AGTR1: variants seen among roughly 807,000 people sequenced by gnomAD.
AGTR1 encodes type-1 angiotensin II receptor.
A neutral mutation model predicts 19.4 loss-of-function variants in AGTR1; 16 were observed. The observed-to-expected ratio is 0.82, with a 90% CI of 0.56 to 1.25. The LOEUF is 1.25. Among genes scored for constraint, AGTR1 ranks in the 50% most tolerant of loss-of-function variants. The pLI is 0.00. For synonymous variants in AGTR1, 153 were observed against 154.9 expected (o/e 0.99, Z 0.09); for missense variants, 373 against 431.9 (o/e 0.86, Z 1.21).
intron 2 of AGTR1, among the ~76,000 whole-genome samples, chr3:148,720,604 A>G (rs1713574771): frequency 6.6e-6 from 1 of 152,222 alleles, no homozygotes. Context: ...GAAATAATTA[A>G]CTATGTACAG....
intron 2 of AGTR1, among the ~76,000 whole-genome samples, chr3:148,739,046 A>G (rs952690809): frequency 2.0e-5 from 3 of 152,214 alleles, no homozygotes; most frequent in African/African-American, 7.2e-5. Context: ...GAAGACAGAT[A>G]TGTCAACAGA....
chr3:148,714,016 T>C (rs1399260967), intron 2 of AGTR1, among the ~76,000 whole-genome samples: 1 of 152,156 alleles, frequency 6.6e-6, no homozygotes, highest in Non-Finnish European at 1.5e-5. Flanking sequence ...CCTTTGCCTC[T>C]AGAATAAGAA....
At chr3:148,738,219 T>G (rs1714677933) in intron 2 of AGTR1, among the ~76,000 whole-genome samples, 1 of 152,174 alleles carries the variant, frequency 6.6e-6, no homozygotes, top group African/African-American at 2.4e-5. Context: ...CAAGGGATTC[T>G]AGAGCGTAAA....
chr3:148,742,659 C>T lies in AGTR1; in HGVS notation c.*544C>T, dbSNP rs1045486310. ...AAGTTGCAGATCTTTTTGTGAAATT[C>T]AACCTGTGTCTTATAGGTTTCCACT... is the stretch of plus-strand genomic sequence containing the variant. On this transcript the variant is annotated 3_prime_UTR_variant, in exon 3 of 3. Transcript: ENST00000349243. 5 of 216,570 alleles carry T rather than the reference C, an allele frequency of 2.3e-5. No individual in the cohort carries two copies. Among genetic ancestry groups the T allele is most frequent in the Non-Finnish European group, 5.1e-5 (5 of 98,280 alleles). 13.4% of individuals were successfully genotyped at this position (216,570 alleles called of 1,614,324 possible). A position where few individuals can be genotyped will look rare whatever the true frequency, so the allele number is the denominator to read the frequency against.
chr3:148,700,958 C>A (rs1712305574), intron 1 of AGTR1, among the ~76,000 whole-genome samples: 1 of 152,186 alleles, frequency 6.6e-6, no homozygotes, highest in African/African-American at 2.4e-5. Flanking sequence ...TGATAAGCAA[C>A]AGTAAATTTG....
rs1024353280 is a variant in AGTR1, at chr3:148,742,770, T to G, written c.*655T>G. The G allele has an allele frequency of 1.2e-5, 2 of 171,518 alleles. No individual in the cohort carries two copies. Among genetic ancestry groups the G allele is most frequent in the Non-Finnish European group, 2.8e-5 (2 of 70,986 alleles). The allele number at this position is 171,518 out of a possible 1,614,324, so 10.6% of individuals were successfully genotyped here. The stretch of plus-strand genomic sequence containing the variant: ...AAAGTTAAACTACTTGTAAAGGTGC[T>G]GCACTGGTCCCAAGTAGTAGTGTCT... On this transcript the variant is annotated 3_prime_UTR_variant, in exon 3 of 3. Transcript: ENST00000349243.
chr3:148,734,520 A>AGAG (rs1339534125), intron 2 of AGTR1, among the ~76,000 whole-genome samples: 1 of 152,258 alleles, frequency 6.6e-6, no homozygotes, highest in Non-Finnish European at 1.5e-5. Context: ...TACATATATC[A>AGAG]GAGAGCCATT....
chr3:148,718,319 A>G (rs953804022), intron 2 of AGTR1, among the ~76,000 whole-genome samples: 1 of 152,220 alleles, frequency 6.6e-6, no homozygotes, highest in Non-Finnish European at 1.5e-5. Flanking sequence ...TTCTACTTAA[A>G]TATGTGAATA....
intron 2 of AGTR1, among the ~76,000 whole-genome samples, chr3:148,728,582 T>C (rs1714085817): frequency 6.6e-6 from 1 of 152,186 alleles, no homozygotes; most frequent in South Asian, 2.1e-4. Flanking sequence ...ATCTGATAAG[T>C]AGTTAATGAT....
chr3:148,729,783 G>T (rs555284296), intron 2 of AGTR1, among the ~76,000 whole-genome samples: 2 of 152,238 alleles, frequency 1.3e-5, no homozygotes, highest in South Asian at 4.1e-4. Context: ...TGTAATTTAT[G>T]TTTAAAAATT....
intron 1 of AGTR1, among the ~76,000 whole-genome samples, chr3:148,700,591 CAA>C (rs1235190806): frequency 6.6e-6 from 1 of 152,100 alleles, no homozygotes; most frequent in Non-Finnish European, 1.5e-5. Context: ...TGGAGAATGC[CAA>C]AGAGTCTCCC....
At chr3:148,731,828 T>A (rs530842504) in intron 2 of AGTR1, among the ~76,000 whole-genome samples, 1 of 152,136 alleles carries the variant, frequency 6.6e-6, no homozygotes, top group Non-Finnish European at 1.5e-5. Context: ...AATCAATCAA[T>A]AAATAAAAAG....
chr3:148,741,564 A>C lies in AGTR1; in HGVS notation c.529A>C (p.Ile177Leu), dbSNP rs533866995. The C allele has an allele frequency of 3.7e-6, 6 of 1,614,054 alleles. No individual in the cohort carries two copies. The East Asian group carries it at 1.3e-4, about 36-fold the overall frequency. ...TGTATTTTTCATTGAGAACACCAATATTACAGTTTGTGCTTTCCATTATGA... is the reference window on the plus strand; with the variant it reads ...TGTATTTTTCATTGAGAACACCAATCTTACAGTTTGTGCTTTCCATTATGA... ...RNVFFIENTNITVCAFHYESQ... is the reference protein window; with the variant it reads ...RNVFFIENTNLTVCAFHYESQ... The change falls in exon 3 of 3, where the codon ATT (isoleucine) becomes CTT (leucine). Residue 177 changes from isoleucine (I) to leucine (L), a missense_variant. Transcript: ENST00000349243.
At position 148,742,118 on chromosome 3, in the gene AGTR1, T is replaced by C. The variant is rs1714954589; in HGVS notation, c.*3T>C. ...CACCATGTTTTGAGGTTGAGTGACA[T>C]GTTCGAAACCTGTCCATAAAGTAAT... On this transcript the variant is annotated 3_prime_UTR_variant, in exon 3 of 3. Coordinates refer to ENST00000349243, the MANE Select transcript of AGTR1 (RefSeq NM_000685.5). 2 of 1,613,934 alleles carry C rather than the reference T, an allele frequency of 1.2e-6. No homozygotes were observed. Among genetic ancestry groups the C allele is most frequent in the Non-Finnish European group, 1.7e-6 (2 of 1,179,962 alleles).
intron 2 of AGTR1, among the ~76,000 whole-genome samples, chr3:148,736,105 T>G (rs1714556578): frequency 6.6e-6 from 1 of 152,200 alleles, no homozygotes; most frequent in South Asian, 2.1e-4. Context: ...CCTAAAAGCT[T>G]AAGAAGGTAT....
chr3:148,742,146 T>C lies in AGTR1; in HGVS notation c.*31T>C. ...TCGAAACCTGTCCATAAAGTAATTT[T>C]GTGAAAGAAGGAGCAAGAGAACATT... On this transcript the variant is annotated 3_prime_UTR_variant, in exon 3 of 3. Coordinates refer to ENST00000349243, the MANE Select transcript of AGTR1 (RefSeq NM_000685.5). 2 of 1,612,900 alleles carry C rather than the reference T, an allele frequency of 1.2e-6. No homozygotes were observed. The highest frequency in any genetic ancestry group is 1.1e-5 in the South Asian group (1 of 91,056).
intron 2 of AGTR1, chr3:148,740,088 G>A (rs1714787270): frequency 1.1e-6 from 1 of 920,924 alleles, no homozygotes. Flanking sequence ...TAGAAAATCA[G>A]AGCAAATATT....
chr3:148,712,466 C>T (rs1006120393), intron 2 of AGTR1, among the ~76,000 whole-genome samples: 15 of 152,024 alleles, frequency 9.9e-5, no homozygotes, highest in African/African-American at 2.7e-4. Flanking sequence ...ACAGTATAGA[C>T]ACCAGAAAAA....
In AGTR1 at chr3:148,697,917, C is replaced by T. The variant is rs1448902636; in HGVS notation, c.-342C>T. On this transcript the variant is annotated 5_prime_UTR_variant, in exon 1 of 3. Coordinates refer to ENST00000349243, the MANE Select transcript of AGTR1 (RefSeq NM_000685.5). ...CCTCGCCAATGATTCCAGCGCCTGA[C>T]AGCCAGGACCCCAGGCAGCAGCGAG... 6.6e-6 allele frequency: 1 copy of T among 152,422 alleles called. No individual in the cohort carries two copies. The highest frequency in any genetic ancestry group is 1.5e-5 in the Non-Finnish European group (1 of 68,182). The allele number at this position is 152,422 out of a possible 1,614,324, so 9.4% of individuals were successfully genotyped here.
Sources: gnomAD v4.1 joint callset for allele counts (sites outside exome capture counted in the v4.1 genomes callset) on GRCh38, gnomAD v4.1.1 for gene constraint, MANE v1.5 for transcripts, NCBI Gene and HGNC (gene_info 2026-07-23, HGNC 2026-07-21) for gene names.